Variants in SLC6A6 observed in about 807,000 individuals in gnomAD.
SLC6A6 encodes the protein solute carrier family 6 member 6.
SLC6A6 carries 16 observed loss-of-function variants against 68.8 expected under a neutral mutation model. The ratio of observed to expected loss-of-function variants is 0.23; its 90% CI spans 0.16 to 0.35. The LOEUF is 0.35. Among genes scored for constraint, SLC6A6 ranks in the 10% least tolerant of loss-of-function variants. SLC6A6 has a pLI of 1.00. For synonymous variants in SLC6A6, 312 were observed against 315.4 expected (o/e 0.99, Z 0.12); for missense variants, 474 against 802.8 (o/e 0.59, Z 4.95).
Position 14,472,347 on chromosome 3 carries a change from T to TC in SLC6A6, c.1209+30_1209+31insC. The TC allele has an allele frequency of 2.2e-6, 3 of 1,363,466 alleles. No individual in the cohort carries two copies. Among genetic ancestry groups the TC allele is most frequent in the Non-Finnish European group, 3.2e-6 (3 of 951,714 alleles). 84.5% of individuals were successfully genotyped at this position (1,363,466 alleles called of 1,614,324 possible). A position where few individuals can be genotyped will look rare whatever the true frequency, so the allele number is the denominator to read the frequency against. On this transcript the variant is annotated intron_variant, in intron 10 of 14. Transcript: ENST00000622186. This position sits in a 1 kb window ranked among gnomAD's most constrained non-coding sequence, Gnocchi z 4.5. Reference sequence around the variant, plus strand: ...GTATAAGGGATGGCCCTGGGGCGACTGCCCCTGTGGGGAACCTGACTCTGG... The same window carrying TC: ...GTATAAGGGATGGCCCTGGGGCGACTCGCCCCTGTGGGGAACCTGACTCTGG...
At chr3:14,433,937 G>A (rs946299475) in intron 2 of SLC6A6, among the ~76,000 whole-genome samples, 3 of 151,994 alleles carry the variant, frequency 2.0e-5, no homozygotes, top group Non-Finnish European at 2.9e-5. Flanking sequence ...AGCCAAAAGC[G>A]TTGAGCCCTC....
In SLC6A6 at chr3:14,478,496, T is replaced by A. The variant is rs1700934406; in HGVS notation, c.1378T>A (p.Tyr460Asn). 6.2e-7 allele frequency: 1 copy of A among 1,613,566 alleles called. No homozygotes were observed. The highest frequency in any genetic ancestry group is 8.5e-7 in the Non-Finnish European group (1 of 1,179,578). ...GGMYVFQLFD[Y>N]YAASGVCLLW... ...CATGTATGTGTTTCAGCTCTTTGAC[T>A]ACTATGCAGCTAGCGGTGTATGCCT... is the stretch of plus-strand genomic sequence containing the variant. Residue 460 changes from tyrosine to asparagine, a missense_variant, in exon 12 of 15, where the codon TAC (tyrosine) becomes AAC (asparagine). Tyr to Asn is a moderately radical substitution (Grantham distance 143). Transcript: ENST00000622186.
intron 5 of SLC6A6, among the ~76,000 whole-genome samples, chr3:14,451,489 G>C (rs1310705753): frequency 6.6e-6 from 1 of 152,232 alleles, no homozygotes; most frequent in East Asian, 1.9e-4. Flanking sequence ...GGATGCACGG[G>C]TGAGGGCCAG....
intron 14 of SLC6A6, among the ~76,000 whole-genome samples, chr3:14,483,872 T>G (rs913676399): frequency 4.0e-5 from 6 of 151,878 alleles, no homozygotes; most frequent in African/African-American, 1.5e-4. Context: ...TTTTTAAGAG[T>G]TAGGGTCTCA....
At chr3:14,437,235 GCTAT>G (rs1282106632) in intron 2 of SLC6A6, among the ~76,000 whole-genome samples, 3 of 152,086 alleles carry the variant, frequency 2.0e-5, no homozygotes, top group Non-Finnish European at 4.4e-5. Flanking sequence ...AATAAACACA[GCTAT>G]CTTTTTCTTA....
intron 12 of SLC6A6, 71 bp downstream of exon 12, chr3:14,478,639 G>A (rs1025363894): frequency 3.2e-6 from 3 of 942,078 alleles, no homozygotes; most frequent in Non-Finnish European, 5.2e-6. Flanking sequence ...AGCTTCAGAA[G>A]CAGAGAATAC....
At chr3:14,467,511 A>C (rs1310488748) in intron 7 of SLC6A6, among the ~76,000 whole-genome samples, 2 of 152,224 alleles carry the variant, frequency 1.3e-5, no homozygotes, top group Non-Finnish European at 2.9e-5. Context: ...GGGGTAGGGC[A>C]AAGGAGCCCA....
chr3:14,440,472 G>A (rs971224159), intron 2 of SLC6A6, among the ~76,000 whole-genome samples: 1 of 152,104 alleles, frequency 6.6e-6, no homozygotes, highest in Non-Finnish European at 1.5e-5. Flanking sequence ...GGGCCAGAGG[G>A]TCGGCAGGGG....
At chr3:14,420,810 A>C (rs1389065177) in intron 2 of SLC6A6, among the ~76,000 whole-genome samples, 1 of 152,214 alleles carries the variant, frequency 6.6e-6, no homozygotes, top group African/African-American at 2.4e-5. Context: ...GTAAAAGACA[A>C]ATAACTTAAA....
intron 2 of SLC6A6, among the ~76,000 whole-genome samples, chr3:14,434,709 C>A (rs745432320): frequency 4.6e-5 from 7 of 152,176 alleles, no homozygotes; most frequent in Admixed American, 3.9e-4. Context: ...CCTCAAACAC[C>A]TTCATCTGGG....
intron 14 of SLC6A6, among the ~76,000 whole-genome samples, chr3:14,482,344 G>A (rs944791704): frequency 3.9e-5 from 6 of 152,228 alleles, no homozygotes; most frequent in South Asian, 2.1e-4. Flanking sequence ...GGTCTTCTCC[G>A]GATCTGTGGC....
At chr3:14,456,352 G>C (rs1251274077) in intron 5 of SLC6A6, among the ~76,000 whole-genome samples, 2 of 152,212 alleles carry the variant, frequency 1.3e-5, no homozygotes, top group African/African-American at 4.8e-5. Flanking sequence ...TCACGGATCG[G>C]TCCTACAGTG....
intron 14 of SLC6A6, among the ~76,000 whole-genome samples, chr3:14,482,709 C>G (rs923026276): frequency 6.6e-6 from 1 of 152,082 alleles, no homozygotes; most frequent in Non-Finnish European, 1.5e-5. Context: ...ACTGAGGAAG[C>G]TGGCAGGGCA....
chr3:14,413,938 T>A (rs541867819), intron 1 of SLC6A6, among the ~76,000 whole-genome samples: 30 of 152,338 alleles, frequency 2.0e-4, no homozygotes, highest in Admixed American at 2.6e-4. Context: ...GTTTTATTTT[T>A]TTTATTTATT....
Position 14,462,794 on chromosome 3 carries a change from G to A in SLC6A6, c.733-3722G>A, listed in dbSNP as rs536578715. ...CTCAGCAAATCTGCATTTTCCATAG[G>A]GTAGAGAACACACACATTTTCCATA... On this transcript the variant is annotated intron_variant, in intron 6 of 14. Transcript: ENST00000622186. 8.5e-5 allele frequency among the ~76,000 whole-genome samples: 13 copies of A among 152,304 alleles called. No individual in the cohort carries two copies. In the South Asian group the frequency reaches 1.5e-3, roughly 17 times the overall value.
intron 2 of SLC6A6, among the ~76,000 whole-genome samples, chr3:14,443,321 C>T (rs1700034877): frequency 6.6e-6 from 1 of 152,190 alleles, no homozygotes; most frequent in African/African-American, 2.4e-5. Flanking sequence ...TGAAGTGTGA[C>T]ACCCAGACGA....
chr3:14,476,009 G>A (rs959676503), intron 10 of SLC6A6, among the ~76,000 whole-genome samples: 3 of 152,224 alleles, frequency 2.0e-5, no homozygotes, highest in Non-Finnish European at 4.4e-5. Context: ...AGATTTCTCT[G>A]GTAGGAATGC....
chr3:14,444,658 C>T (rs773967712), intron 3 of SLC6A6: 3 of 444,622 alleles, frequency 6.7e-6, no homozygotes, highest in Non-Finnish European at 9.1e-6. Context: ...CAGAGATGGG[C>T]ATGCCTTGTG....
At chr3:14,440,043 G>A (rs937962306) in intron 2 of SLC6A6, among the ~76,000 whole-genome samples, 3 of 152,134 alleles carry the variant, frequency 2.0e-5, no homozygotes, top group East Asian at 1.9e-4. Flanking sequence ...TAGTGATAGC[G>A]GTAGTAAGAG....
Sources: allele counts gnomAD v4.1 joint callset (sites outside exome capture counted in the v4.1 genomes callset), GRCh38; gene constraint gnomAD v4.1.1; non-coding constraint Gnocchi (gnomAD v3.1); transcripts MANE v1.5; gene names NCBI Gene and HGNC (gene_info 2026-07-23, HGNC 2026-07-21).